Variants in MYCBP2 observed in about 807,000 individuals in gnomAD.
The protein encoded by MYCBP2 is E3 ubiquitin-protein ligase MYCBP2.
MYCBP2 carries 120 observed loss-of-function variants against 525.3 expected under a neutral mutation model. That is an observed-to-expected ratio of 0.23 (90% confidence interval 0.20 to 0.27). The LOEUF (loss-of-function observed/expected upper bound fraction) is 0.27. Among genes scored for constraint, MYCBP2 ranks in the 10% least tolerant of loss-of-function variants. The pLI is 1.00. For missense variants in MYCBP2, 4,149 were observed against 5,657.1 expected, an observed-to-expected ratio of 0.73 and a Z score of 8.55; for synonymous variants, 1,894 against 1,955.8, an observed-to-expected ratio of 0.97 and a Z score of 0.83.
intron 1 of MYCBP2, among the ~76,000 whole-genome samples, chr13:77,314,104 A>G (rs893538487): frequency 1.3e-5 from 2 of 152,206 alleles, no homozygotes; most frequent in Admixed American, 6.5e-5. Flanking sequence ...GTGATTTCCT[A>G]CAAAAACTAA....
At position 77,178,228 on chromosome 13, in the gene MYCBP2, T is replaced by C. The variant is rs573045318; in HGVS notation, c.5134-274A>G. Among the ~76,000 whole-genome samples, 14 of 152,308 alleles carry C rather than the reference T, an allele frequency of 9.2e-5. No homozygotes were observed. The South Asian group carries it at 2.9e-3, about 32-fold the overall frequency. ...TAATGTCAGAAGTACAAGCTTGTCT[T>C]ATCAGTCATAATGTATGAATAAATC... On this transcript the variant is annotated intron_variant, in intron 34 of 82. Transcript: ENST00000544440.
chr13:77,323,615 T>C (rs1002475682), intron 1 of MYCBP2, among the ~76,000 whole-genome samples: 118 of 152,170 alleles, frequency 7.8e-4, no homozygotes, highest in Non-Finnish European at 1.5e-4. Flanking sequence ...AAATTATGAG[T>C]TGTCTATTTC....
At chr13:77,090,806 T>C (rs2045272390) in intron 59 of MYCBP2, 1 of 152,172 alleles carries the variant, frequency 6.6e-6, no homozygotes, top group African/African-American at 2.4e-5. Flanking sequence ...GCACCAGTGT[T>C]GTATTTACAC....
chr13:77,190,370 T>A, intron 28 of MYCBP2, 35 bp from the exon 29 acceptor site: 1 of 1,225,418 alleles, frequency 8.2e-7, no homozygotes, highest in Non-Finnish European at 1.2e-6. Flanking sequence ...AAAAACAACA[T>A]GATCATTACA....
At chr13:77,208,428 T>C (rs2154278492) in intron 23 of MYCBP2, among the ~76,000 whole-genome samples, 1 of 151,752 alleles carries the variant, frequency 6.6e-6, no homozygotes, top group South Asian at 2.1e-4. Context: ...ATTTGTTCAC[T>C]GTAGCATTGT....
intron 46 of MYCBP2, 43 bp from the exon 47 acceptor site, chr13:77,150,992 T>G (rs753666559): frequency 6.7e-7 from 1 of 1,499,528 alleles, no homozygotes; most frequent in Admixed American, 1.7e-5. Context: ...TATTATTTAA[T>G]TGTCACTGAC....
Position 77,077,173 on chromosome 13 carries a change from C to A in MYCBP2, c.11699G>T (p.Arg3900Leu), listed in dbSNP as rs751727614. 1 of 1,613,866 alleles carries A rather than the reference C, an allele frequency of 6.2e-7. No homozygotes were observed. The highest frequency in any genetic ancestry group is 1.1e-5 in the South Asian group (1 of 91,060). Reference sequence around the variant, plus strand: ...TTGAGACGTAATCAGTCTGAATACTCGCAGAGTCTCAGCTTCACAGTTCCT... The same window carrying A: ...TTGAGACGTAATCAGTCTGAATACTAGCAGAGTCTCAGCTTCACAGTTCCT... ...QQRNCEAETL[R>L]VFRLITSQVF... The change falls in exon 67 of 83, where the codon CGA becomes CTA. Residue 3900 changes from arginine (R) to leucine (L), a missense_variant. Coordinates refer to ENST00000544440, the MANE Select transcript of MYCBP2 (RefSeq NM_015057.5).
At chr13:77,209,982 GAC>G (rs1323225401) in intron 23 of MYCBP2, among the ~76,000 whole-genome samples, 1 of 152,142 alleles carries the variant, frequency 6.6e-6, no homozygotes, top group Non-Finnish European at 1.5e-5. Flanking sequence ...GAAGAAGGAA[GAC>G]AGAGAAAAAG....
At chr13:77,141,255 CT>C (rs1224572510) in intron 49 of MYCBP2, among the ~76,000 whole-genome samples, 1 of 152,120 alleles carries the variant, frequency 6.6e-6, no homozygotes, top group Non-Finnish European at 1.5e-5. Context: ...TAAATCTTAT[CT>C]GACAATATCC....
intron 17 of MYCBP2, among the ~76,000 whole-genome samples, chr13:77,234,245 T>A (rs2067560089): frequency 6.6e-6 from 1 of 151,954 alleles, no homozygotes. Context: ...AAAAATGTCT[T>A]CAAATTTGAA....
intron 58 of MYCBP2, among the ~76,000 whole-genome samples, chr13:77,095,058 G>A (rs1044184448): frequency 4.6e-5 from 7 of 152,080 alleles, no homozygotes; most frequent in Admixed American, 2.0e-4. Flanking sequence ...TCAGCATTTC[G>A]CACTAACAGA....
At chr13:77,206,859 T>C in intron 23 of MYCBP2, 34 bp from the exon 24 acceptor site, 1 of 1,510,930 alleles carries the variant, frequency 6.6e-7, no homozygotes, top group Non-Finnish European at 8.9e-7. Flanking sequence ...AGCACCTCAA[T>C]GTGGTTTTGT....
intron 26 of MYCBP2, among the ~76,000 whole-genome samples, chr13:77,200,188 A>G (rs2062323281): frequency 6.6e-6 from 1 of 152,202 alleles, no homozygotes; most frequent in Middle Eastern, 3.4e-3. Flanking sequence ...AATACAGAGA[A>G]GTGCTTAAAG....
At chr13:77,268,640 G>A (rs1432156938) in intron 7 of MYCBP2, among the ~76,000 whole-genome samples, 3 of 151,998 alleles carry the variant, frequency 2.0e-5, no homozygotes, top group Non-Finnish European at 4.4e-5. Flanking sequence ...TTAGCTGGAC[G>A]TGGTGGTGGG....
At chr13:77,160,900 T>C (rs1197201015) in intron 44 of MYCBP2, among the ~76,000 whole-genome samples, 1 of 151,900 alleles carries the variant, frequency 6.6e-6, no homozygotes, top group East Asian at 1.9e-4. Context: ...TGATAAAAAG[T>C]AGTACATTTT....
At chr13:77,245,360 G>A (rs190447280) in intron 15 of MYCBP2, among the ~76,000 whole-genome samples, 54 of 152,216 alleles carry the variant, frequency 3.5e-4, no homozygotes, top group African/African-American at 1.2e-3. Context: ...CAACCCAAAT[G>A]CTCATCAATG....
rs1263296636 is a variant in MYCBP2 at position 77,058,411 on chromosome 13, T to C, written c.13141-5A>G. The C allele has an allele frequency of 6.3e-7, 1 of 1,578,400 alleles. No individual in the cohort carries two copies. Among genetic ancestry groups the C allele is most frequent in the South Asian group, 1.1e-5 (1 of 87,114 alleles). ...ACAGGCTATCTTAGCGTATTCCTGTTAAAGATGAATTACAATGTTACACAA... is the reference window on the plus strand; with the variant it reads ...ACAGGCTATCTTAGCGTATTCCTGTCAAAGATGAATTACAATGTTACACAA... On this transcript the variant is annotated splice_region_variant and splice_polypyrimidine_tract_variant and intron_variant, in intron 77 of 82. Transcript: ENST00000544440. The surrounding 1 kb of genome is among the most constrained non-coding windows in gnomAD (Gnocchi z 4.1).
intron 45 of MYCBP2, 123 bp downstream of exon 45, chr13:77,157,814 G>A (rs1197873735): frequency 6.4e-6 from 5 of 777,992 alleles, no homozygotes; most frequent in Non-Finnish European, 1.0e-5. Flanking sequence ...ATTTCAGCAA[G>A]TTAAACATAC....
At chr13:77,200,596 T>A (rs2062398591) in intron 26 of MYCBP2, among the ~76,000 whole-genome samples, 2 of 152,070 alleles carry the variant, frequency 1.3e-5, no homozygotes, top group Admixed American at 6.5e-5. Flanking sequence ...ATTGTCAGAT[T>A]TACCAAAGTT....
Sources: allele counts gnomAD v4.1 joint callset (sites outside exome capture counted in the v4.1 genomes callset), GRCh38; gene constraint gnomAD v4.1.1; non-coding constraint Gnocchi (gnomAD v3.1); transcripts MANE v1.5; gene names NCBI Gene and HGNC (gene_info 2026-07-23, HGNC 2026-07-21).